Variants in LAMA4 observed in about 807,000 individuals in gnomAD.
LAMA4 encodes the protein laminin subunit alpha-4.
In LAMA4, 127 loss-of-function variants were observed where a neutral mutation model predicts 207.1. That is an observed-to-expected ratio of 0.61 (90% CI 0.53 to 0.71). The LOEUF is 0.71. LAMA4 is among the 30% of genes least tolerant of loss of function. LAMA4 has a pLI of 0.00. For missense variants in LAMA4, 2,093 were observed against 2,246.5 expected (o/e 0.93, Z 1.38); for synonymous variants, 761 against 816.0 (o/e 0.93, Z 1.15).
At chr6:112,147,637 C>T (rs532793389) in intron 18 of LAMA4, among the ~76,000 whole-genome samples, 22 of 152,228 alleles carry the variant, frequency 1.4e-4, no homozygotes, top group African/African-American at 5.1e-4. Flanking sequence ...ATTTTCATTT[C>T]TATAGAACTG....
Position 112,254,504 on chromosome 6 carries a change from G to T in LAMA4, c.-187C>A. 1 of 374,522 alleles carries T rather than the reference G, an allele frequency of 2.7e-6. No individual in the cohort carries two copies. The highest frequency in any genetic ancestry group is 5.1e-6 in the Non-Finnish European group (1 of 196,790). The allele number at this position is 374,522 out of a possible 1,614,324, so 23.2% of individuals were successfully genotyped here. A position where few individuals can be genotyped will look rare whatever the true frequency, so the allele number is the denominator to read the frequency against. The stretch of plus-strand genomic sequence containing the variant: ...ACGGATTGGGGTGAGCCCCGCCAGC[G>T]CTAGGCCACCTCCTCTCCCTGGCCG... On this transcript the variant is annotated 5_prime_UTR_variant, in exon 1 of 39. Coordinates refer to ENST00000230538, the MANE Select transcript of LAMA4 (RefSeq NM_001105206.3).
Position 112,136,145 on chromosome 6 carries a change from A to C in LAMA4, c.3392T>G (p.Ile1131Ser). The C allele has an allele frequency of 6.2e-7, 1 of 1,613,228 alleles. No individual in the cohort carries two copies. Among genetic ancestry groups the C allele is most frequent in the South Asian group, 1.1e-5 (1 of 91,070 alleles). ...TACCTCATGGTATTTTGCATCATTA[A>C]TTTGAGCTTTCTTTAACGTATCTTC... ...HLEDTLKKAQ[I>S]NDAKYHEISI... is the part of the protein sequence containing the mutation. The change falls in exon 25 of 39, where the codon ATT (isoleucine) becomes AGT (serine). Residue 1131 changes from isoleucine (I) to serine (S), a missense_variant. Around this residue, in one of 3 missense-constraint regions of LAMA4, gnomAD observed 1,704 missense variants for 1,788.4 expected, o/e 0.95. Coordinates refer to ENST00000230538, the MANE Select transcript of LAMA4 (RefSeq NM_001105206.3).
At chr6:112,222,720 A>G (rs782432636) in intron 2 of LAMA4, among the ~76,000 whole-genome samples, 2 of 152,224 alleles carry the variant, frequency 1.3e-5, no homozygotes, top group African/African-American at 2.4e-5. Context: ...CAGTCCCTGA[A>G]CCCTGTTCAT....
At position 112,155,668 on chromosome 6, in the gene LAMA4, T is replaced by TG; in HGVS notation, c.1855_1856insC (p.Lys619ThrfsTer10). ...ATAGACATTTGATGCATCCAAAGCCTTCTGTACCAGCCCGTTCATATCTGA... is the reference window on the plus strand; with the variant it reads ...ATAGACATTTGATGCATCCAAAGCCTGTCTGTACCAGCCCGTTCATATCTGA... On this transcript the variant is annotated frameshift_variant, in exon 15 of 39. Transcript: ENST00000230538. LOFTEE classifies it high-confidence loss of function. 6.2e-7 allele frequency: 1 copy of TG among 1,614,126 alleles called. No homozygotes were observed. The highest frequency in any genetic ancestry group is 8.5e-7 in the Non-Finnish European group (1 of 1,179,960).
rs181373793 is a variant in LAMA4 at position 112,109,196 on chromosome 6, G to A, written c.*241C>T. The A allele has an allele frequency of 1.3e-4, 73 of 543,232 alleles. No homozygotes were observed. Among genetic ancestry groups the A allele is most frequent in the Non-Finnish European group, 2.1e-4 (65 of 302,500 alleles). 33.7% of individuals were successfully genotyped at this position (543,232 alleles called of 1,614,324 possible). On this transcript the variant is annotated 3_prime_UTR_variant, in exon 39 of 39. Coordinates refer to ENST00000230538, the MANE Select transcript of LAMA4 (RefSeq NM_001105206.3). Reference sequence around the variant, plus strand: ...AATTTCACCAGTAGGAATTGCGTGTGCTCTCAATACAAGTAAGTTTGCCAC... The same window carrying A: ...AATTTCACCAGTAGGAATTGCGTGTACTCTCAATACAAGTAAGTTTGCCAC...
At chr6:112,253,633 T>C in intron 2 of LAMA4, 1 of 1,036,836 alleles carries the variant, frequency 9.6e-7, no homozygotes, top group Non-Finnish European at 1.5e-6. Context: ...AAATGACTAC[T>C]GGGACACGCA....
At chr6:112,166,830 A>G (rs767752593) in intron 12 of LAMA4, among the ~76,000 whole-genome samples, 12 of 152,244 alleles carry the variant, frequency 7.9e-5, no homozygotes, top group Admixed American at 1.3e-4. Context: ...AATTGTCACT[A>G]TTCAGCATGC....
At chr6:112,139,511 GAC>G (rs1191978431) in intron 23 of LAMA4, among the ~76,000 whole-genome samples, 2 of 152,180 alleles carry the variant, frequency 1.3e-5, no homozygotes, top group Non-Finnish European at 2.9e-5. Flanking sequence ...AGTCTCCAGG[GAC>G]ACCCTAGTCT....
chr6:112,115,618 G>A lies in LAMA4; in HGVS notation c.5112+245C>T, dbSNP rs9481223. Among the ~76,000 whole-genome samples the A allele has an allele frequency of 0.47, 70,833 of 151,874 alleles. 17,021 individuals carry two copies. The highest frequency in any genetic ancestry group is 0.68 in the South Asian group (3,298 of 4,826). ...CTTCTCATTCTTCTCTTAAAACTGT[G>A]TTGTTATTAGTGATTTTTTTGATAG... On this transcript the variant is annotated intron_variant, in intron 36 of 38. Coordinates refer to ENST00000230538, the MANE Select transcript of LAMA4 (RefSeq NM_001105206.3).
At chr6:112,197,175 C>T (rs1783469944) in intron 5 of LAMA4, among the ~76,000 whole-genome samples, 1 of 152,070 alleles carries the variant, frequency 6.6e-6, no homozygotes, top group African/African-American at 2.4e-5. Flanking sequence ...GGTCTAAATA[C>T]AATACAATGT....
intron 23 of LAMA4, 59 bp downstream of exon 23, chr6:112,139,693 T>C: frequency 6.3e-7 from 1 of 1,591,198 alleles, no homozygotes; most frequent in Non-Finnish European, 8.6e-7. Context: ...CTCATACTTG[T>C]TCTATCTGCT....
chr6:112,114,763 A>G lies in LAMA4; in HGVS notation c.5113-7T>C, dbSNP rs1777913069. On this transcript the variant is annotated splice_polypyrimidine_tract_variant and splice_region_variant and intron_variant, in intron 36 of 38. Transcript: ENST00000230538. ...TATTGACTTTCACTATGACCTGCAA[A>G]AGATAGGACACATTGTATGATTTAG... 6.4e-7 allele frequency: 1 copy of G among 1,568,034 alleles called. No individual in the cohort carries two copies. Among genetic ancestry groups the G allele is most frequent in the African/African-American group, 1.4e-5 (1 of 73,890 alleles).
chr6:112,242,038 C>T (rs1554187827), intron 2 of LAMA4, among the ~76,000 whole-genome samples: 1 of 152,194 alleles, frequency 6.6e-6, no homozygotes, highest in Non-Finnish European at 1.5e-5. Context: ...GAGCAACATC[C>T]TATTTTTGAG....
intron 4 of LAMA4, among the ~76,000 whole-genome samples, chr6:112,204,474 CAAA>C (rs11287023): frequency 7.3e-6 from 1 of 136,064 alleles, no homozygotes. Flanking sequence ...CTGCTACTGC[CAAA>C]AAAAAAAAAA....
chr6:112,254,022 G>C lies in LAMA4; in HGVS notation c.129C>G (p.Gly43=). ...PFDIEGSSAV[G]RQDPPETSEP... is the part of the protein sequence containing the mutation. ...CGCTCGTCTCAGGCGGGTCTTGCCT[G>C]CCAACCGCTGAGCTCCCTTCAATGT... The change falls in exon 2 of 39, where the codon GGC becomes GGG. Residue 43 remains glycine, a synonymous_variant. Transcript: ENST00000230538. 1 of 1,591,058 alleles carries C rather than the reference G, an allele frequency of 6.3e-7. No homozygotes were observed. Among genetic ancestry groups the C allele is most frequent in the Non-Finnish European group, 8.6e-7 (1 of 1,168,250 alleles).
chr6:112,145,042 A>AT lies in LAMA4; in HGVS notation c.2354-110dup, dbSNP rs139539792. 6.3e-3 allele frequency: 6,869 copies of AT among 1,087,662 alleles called. 202 individuals are homozygous for AT. In the East Asian group the frequency reaches 0.082, roughly 13 times the overall value. 67.4% of individuals were successfully genotyped at this position (1,087,662 alleles called of 1,614,324 possible). On this transcript the variant is annotated intron_variant, in intron 18 of 38. Transcript: ENST00000230538. ...ACATATGGTAGAACTAAGAGAAATG[A>AT]TTTTTAATCCTGCAAAATTAATAGT... is the stretch of plus-strand genomic sequence containing the variant.
chr6:112,143,484 A>C (rs1276093277), intron 19 of LAMA4, among the ~76,000 whole-genome samples: 4 of 152,064 alleles, frequency 2.6e-5, no homozygotes, highest in Non-Finnish European at 5.9e-5. Flanking sequence ...GGGTTTTGCC[A>C]TGTTGGCCAG....
At chr6:112,137,963 T>A (rs530042217) in intron 24 of LAMA4, among the ~76,000 whole-genome samples, 1 of 152,104 alleles carries the variant, frequency 6.6e-6, no homozygotes, top group Non-Finnish European at 1.5e-5. Context: ...TTTTTCTCCT[T>A]TTTTTTGAGG....
intron 14 of LAMA4, among the ~76,000 whole-genome samples, chr6:112,156,324 C>T (rs528659961): frequency 9.9e-5 from 15 of 152,254 alleles, no homozygotes; most frequent in South Asian, 8.3e-4. Flanking sequence ...GTACCCATCA[C>T]ACAGGGTACT....
Sources: allele counts gnomAD v4.1 joint callset (sites outside exome capture counted in the v4.1 genomes callset), GRCh38; gene constraint gnomAD v4.1.1; regional missense constraint gnomAD v4.1.1; transcripts MANE v1.5; gene names NCBI Gene and HGNC (gene_info 2026-07-23, HGNC 2026-07-21).